The following GARRE1 variants were observed in gnomAD, a reference collection of about 807,000 sequenced individuals.
GARRE1 encodes granule associated Rac and RHOG effector protein 1.
GARRE1 carries 49 observed loss-of-function variants against 103.2 expected under a neutral mutation model. The observed-to-expected ratio is 0.47, with a 90% confidence interval of 0.38 to 0.60. GARRE1 has a LOEUF of 0.60. GARRE1 is among the 20% of genes least tolerant of loss of function. GARRE1 has a pLI of 0.00. For missense variants in GARRE1, 1,199 were observed against 1,370.5 expected (o/e 0.87, Z 1.98); for synonymous variants, 505 against 532.8 (o/e 0.95, Z 0.72).
intron 1 of GARRE1, among the ~76,000 whole-genome samples, chr19:34,290,850 A>G (rs1299884765): frequency 7.6e-6 from 1 of 132,338 alleles, no homozygotes; most frequent in Non-Finnish European, 1.6e-5. Context: ...AACTTGAAGT[A>G]TAGTTTCTAC....
chr19:34,353,102 G>A lies in GARRE1; in HGVS notation c.*147G>A. The A allele has an allele frequency of 1.4e-6, 1 of 738,360 alleles. No individual in the cohort carries two copies. The highest frequency in any genetic ancestry group is 2.1e-6 in the Non-Finnish European group (1 of 465,966). The allele number at this position is 738,360 out of a possible 1,614,324, so 45.7% of individuals were successfully genotyped here. A position where few individuals can be genotyped will look rare whatever the true frequency, so the allele number is the denominator to read the frequency against. On this transcript the variant is annotated 3_prime_UTR_variant, in exon 14 of 14. Transcript: ENST00000299505. ...CAGGGAGGGTTCCTTGGGGACAAGG[G>A]TGGTTGGCAGCTCCAAGCCTTTAAA...
rs988968565 is a variant in GARRE1, at chr19:34,355,546, A to G, written c.*2591A>G. The G allele has an allele frequency of 6.6e-6, 1 of 152,660 alleles. No homozygotes were observed. Among genetic ancestry groups the G allele is most frequent in the African/African-American group, 2.4e-5 (1 of 41,462 alleles). 9.5% of individuals were successfully genotyped at this position (152,660 alleles called of 1,614,324 possible). ...AAGTAAAATAACTATTGGCTTTATT[A>G]AAAATATACATTTAATAATACTTTG... On this transcript the variant is annotated 3_prime_UTR_variant, in exon 14 of 14. Coordinates refer to ENST00000299505, the MANE Select transcript of GARRE1 (RefSeq NM_014686.5).
At chr19:34,344,488 G>C (rs1001457025) in intron 10 of GARRE1, among the ~76,000 whole-genome samples, 3 of 150,748 alleles carry the variant, frequency 2.0e-5, no homozygotes, top group African/African-American at 7.3e-5. Flanking sequence ...CTACTTGGGA[G>C]GCTGAGGCAG....
At chr19:34,262,226 G>A (rs994988725) in intron 1 of GARRE1, among the ~76,000 whole-genome samples, 20 of 139,550 alleles carry the variant, frequency 1.4e-4, no homozygotes, top group African/African-American at 5.2e-4. Context: ...CTTGTGATCC[G>A]CCCACCTTGG....
At chr19:34,330,579 T>C (rs2074132730) in intron 7 of GARRE1, among the ~76,000 whole-genome samples, 1 of 152,182 alleles carries the variant, frequency 6.6e-6, no homozygotes, top group Non-Finnish European at 1.5e-5. Context: ...AGTTGCAAAA[T>C]GATGCTATGG....
intron 1 of GARRE1, among the ~76,000 whole-genome samples, chr19:34,279,244 T>C (rs929263477): frequency 1.3e-5 from 2 of 152,212 alleles, no homozygotes; most frequent in African/African-American, 4.8e-5. Flanking sequence ...CACTATTTTA[T>C]ATTCCCACTA....
At chr19:34,266,735 T>G (rs2073754077) in intron 1 of GARRE1, among the ~76,000 whole-genome samples, 1 of 152,216 alleles carries the variant, frequency 6.6e-6, no homozygotes, top group Admixed American at 6.5e-5. Context: ...TATAATTTAT[T>G]GATAGAATTT....
At chr19:34,316,755 T>G (rs2074062223) in intron 2 of GARRE1, among the ~76,000 whole-genome samples, 1 of 152,194 alleles carries the variant, frequency 6.6e-6, no homozygotes, top group South Asian at 2.1e-4. Flanking sequence ...TATGACTGAG[T>G]TGGTCTCCAG....
intron 10 of GARRE1, among the ~76,000 whole-genome samples, chr19:34,343,232 T>C (rs2074195399): frequency 6.6e-6 from 1 of 152,028 alleles, no homozygotes. Context: ...GGCTGGAGGA[T>C]CACTTGAGGC....
At chr19:34,298,707 CA>C (rs1001871214) in intron 1 of GARRE1, among the ~76,000 whole-genome samples, 1 of 148,882 alleles carries the variant, frequency 6.7e-6, no homozygotes, top group African/African-American at 2.5e-5. Flanking sequence ...GACTCCATCT[CA>C]AAAAAAATAA....
chr19:34,345,291 C>G (rs2074205962), intron 10 of GARRE1, among the ~76,000 whole-genome samples: 1 of 152,232 alleles, frequency 6.6e-6, no homozygotes, highest in South Asian at 2.1e-4. Flanking sequence ...TGCCGCTGCT[C>G]TTGCTGTTTT....
At chr19:34,341,370 T>C in intron 9 of GARRE1, 52 bp from the exon 10 acceptor site, 2 of 1,450,990 alleles carry the variant, frequency 1.4e-6, no homozygotes, top group Non-Finnish European at 1.9e-6. Flanking sequence ...GTCCATTTTA[T>C]TATTTTATAT....
At position 34,328,124 on chromosome 19, in the gene GARRE1, G is replaced by A. The variant is rs150271865; in HGVS notation, c.1077G>A (p.Ser359=). 103 of 1,613,902 alleles carry A rather than the reference G, an allele frequency of 6.4e-5. No homozygotes were observed. The highest frequency in any genetic ancestry group is 1.9e-4 in the South Asian group (17 of 91,080). Residue 359 remains serine (S), a synonymous_variant, in exon 6 of 14, where the codon TCG becomes TCA. Transcript: ENST00000299505. ...HFLKGVSFNE[S]AADNLKLKTH... Reference sequence around the variant, plus strand: ...TGAAGGGCGTCTCCTTTAATGAGTCGGCCGCCGACAATCTGAAACTTAAGA... The same window carrying A: ...TGAAGGGCGTCTCCTTTAATGAGTCAGCCGCCGACAATCTGAAACTTAAGA...
At chr19:34,350,281 A>G (rs1394732937) in intron 12 of GARRE1, among the ~76,000 whole-genome samples, 2 of 152,246 alleles carry the variant, frequency 1.3e-5, no homozygotes, top group Admixed American at 6.5e-5. Context: ...ATGACACGCA[A>G]GTTTTCTGCC....
chr19:34,256,215 A>G (rs1003506320), intron 1 of GARRE1, among the ~76,000 whole-genome samples: 3 of 151,964 alleles, frequency 2.0e-5, no homozygotes, highest in Non-Finnish European at 4.4e-5. Flanking sequence ...TCTCTTTGTC[A>G]TAAAAAAAAA....
At chr19:34,324,337 C>T (rs536495388) in intron 3 of GARRE1, among the ~76,000 whole-genome samples, 19 of 152,234 alleles carry the variant, frequency 1.2e-4, no homozygotes, top group African/African-American at 4.3e-4. Flanking sequence ...CTGCTCCTGG[C>T]ACACCCCGTG....
At chr19:34,269,804 T>C (rs940264417) in intron 1 of GARRE1, among the ~76,000 whole-genome samples, 1 of 152,208 alleles carries the variant, frequency 6.6e-6, no homozygotes, top group Non-Finnish European at 1.5e-5. Context: ...TTCATTGATA[T>C]TTTTTACTCT....
intron 1 of GARRE1, among the ~76,000 whole-genome samples, chr19:34,281,959 T>C (rs182039633): frequency 1.2e-4 from 19 of 152,348 alleles, no homozygotes; most frequent in South Asian, 6.2e-4. Context: ...TAAACATCTT[T>C]GTTGGTTTTT....
At chr19:34,302,741 T>G (rs4806008) in intron 2 of GARRE1, among the ~76,000 whole-genome samples, 63,646 of 120,642 alleles carry the variant, frequency 0.53, 17,079 homozygotes, top group Non-Finnish European at 0.63. Context: ...TGATAGTTTT[T>G]TTTTTTTTTT....
Sources: gnomAD v4.1 joint callset for allele counts (sites outside exome capture counted in the v4.1 genomes callset) on GRCh38, gnomAD v4.1.1 for gene constraint, MANE v1.5 for transcripts, NCBI Gene and HGNC (gene_info 2026-07-23, HGNC 2026-07-21) for gene names.